The following PMPCB variants were observed in gnomAD, a reference collection of about 807,000 sequenced individuals.
PMPCB encodes peptidase, mitochondrial processing subunit beta, also known as mitochondrial-processing peptidase subunit beta.
In PMPCB, 46 loss-of-function variants were observed where a neutral mutation model predicts 61.5. The observed-to-expected ratio is 0.75, with a 90% CI of 0.59 to 0.96. The LOEUF (loss-of-function observed/expected upper bound fraction) is 0.96. Ranked by LOEUF, PMPCB falls within the 40% of genes least tolerant of loss-of-function variation. The probability of loss-of-function intolerance (pLI) is 0.00; values close to 1 mark genes in which losing one functional copy is unlikely to be tolerated. For synonymous variants in PMPCB, 191 were observed against 201.6 expected, an observed-to-expected ratio of 0.95 and a Z score of 0.44; for missense variants, 590 against 602.4, an observed-to-expected ratio of 0.98 and a Z score of 0.22.
chr7:103,300,281 A>G lies in PMPCB; in HGVS notation c.431A>G (p.Lys144Arg). ...AGAGAGCAGACTGTATACTATGCCA[A>G]AGCATTCTCTAAAGACTTGCCAAGA... ...TSREQTVYYA[K>R]AFSKDLPRAV... is the part of the protein sequence containing the mutation. The change falls in exon 4 of 13, where the codon AAA becomes AGA. Residue 144 changes from lysine to arginine, a missense_variant. Lys to Arg is a conservative substitution (Grantham distance 26). Transcript: ENST00000249269. 2 of 1,608,594 alleles carry G rather than the reference A, an allele frequency of 1.2e-6. No individual in the cohort carries two copies. The highest frequency in any genetic ancestry group is 1.7e-6 in the Non-Finnish European group (2 of 1,177,050).
At chr7:103,325,255 C>T (rs1201759716) in intron 12 of PMPCB, among the ~76,000 whole-genome samples, 1 of 152,102 alleles carries the variant, frequency 6.6e-6, no homozygotes, top group Non-Finnish European at 1.5e-5. Context: ...ACCAGTCTGG[C>T]CAATATGGTG....
chr7:103,308,120 G>C (rs1197492393), intron 7 of PMPCB, among the ~76,000 whole-genome samples: 1 of 152,192 alleles, frequency 6.6e-6, no homozygotes, highest in Non-Finnish European at 1.5e-5. Flanking sequence ...TGTTTTGGGA[G>C]GGGGTAGTAA....
At chr7:103,326,499 CA>C in intron 12 of PMPCB, 2 of 1,602,102 alleles carry the variant, frequency 1.2e-6, no homozygotes, top group Non-Finnish European at 1.7e-6. Context: ...CTACAATAAA[CA>C]AGCCAACAGG....
In PMPCB at chr7:103,312,822, C is replaced by T; in HGVS notation, c.*551C>T. ...GCTCATTTCTTCCTCATAATATTGA[C>T]CCCATAACTACTGGTTTTGAAATAA... On this transcript the variant is annotated 3_prime_UTR_variant, in exon 13 of 13. Coordinates refer to ENST00000249269, the MANE Select transcript of PMPCB (RefSeq NM_004279.3). 4 of 1,520,594 alleles carry T rather than the reference C, an allele frequency of 2.6e-6. No homozygotes were observed. 94.2% of individuals were successfully genotyped at this position (1,520,594 alleles called of 1,614,324 possible). A position where few individuals can be genotyped will look rare whatever the true frequency, so the allele number is the denominator to read the frequency against.
chr7:103,306,773 A>T (rs1817604416), intron 6 of PMPCB, among the ~76,000 whole-genome samples: 1 of 152,012 alleles, frequency 6.6e-6, no homozygotes, highest in African/African-American at 2.4e-5. Context: ...TATTTATTTT[A>T]GAGACAGAGT....
chr7:103,312,910 T>C lies in PMPCB; in HGVS notation c.*639T>C. ...GAGCTATATCACCCAAGCTACAATT[T>C]AAAATACAACAATCTATAAACGCTT... On this transcript the variant is annotated 3_prime_UTR_variant, in exon 13 of 13. Coordinates refer to ENST00000249269, the MANE Select transcript of PMPCB (RefSeq NM_004279.3). 6.3e-7 allele frequency: 1 copy of C among 1,587,544 alleles called. No individual in the cohort carries two copies. Among genetic ancestry groups the C allele is most frequent in the Non-Finnish European group, 8.5e-7 (1 of 1,171,520 alleles).
chr7:103,342,671 C>T, the PMPCB span, among the ~76,000 whole-genome samples: 5 of 144,686 alleles, frequency 3.5e-5, no homozygotes, highest in East Asian at 4.2e-4. Context: ...TGCAATGGCG[C>T]GATCTTGGCT....
chr7:103,336,154 C>A, the PMPCB span: 1 of 152,136 alleles, frequency 6.6e-6, no homozygotes, highest in East Asian at 1.9e-4. Flanking sequence ...GCAACAAGTA[C>A]GAAATTCTGT....
chr7:103,319,343 A>G (rs1818251843), downstream of PMPCB, among the ~76,000 whole-genome samples: 2 of 152,132 alleles, frequency 1.3e-5, no homozygotes, highest in African/African-American at 2.4e-5. Flanking sequence ...AGGCTGAGGC[A>G]GGAGAATCAC....
In PMPCB at chr7:103,299,459, A is replaced by G; in HGVS notation, c.257A>G (p.Asp86Gly). ...LSTCTVGLWIDAGSRYENEKN... is the reference protein window; with the variant it reads ...LSTCTVGLWIGAGSRYENEKN... ...TGCATTAAGGTTGGACTCTGGATTGATGCTGGAAGTAGATACGAAAATGAG... is the reference window on the plus strand; with the variant it reads ...TGCATTAAGGTTGGACTCTGGATTGGTGCTGGAAGTAGATACGAAAATGAG... Residue 86 changes from aspartate (D) to glycine (G), a missense_variant, in exon 3 of 13, where the codon GAT becomes GGT. Coordinates refer to ENST00000249269, the MANE Select transcript of PMPCB (RefSeq NM_004279.3). 6.2e-7 allele frequency: 1 copy of G among 1,607,694 alleles called. No individual in the cohort carries two copies. The highest frequency in any genetic ancestry group is 1.1e-5 in the South Asian group (1 of 90,766).
chr7:103,338,866 C>T, the PMPCB span, among the ~76,000 whole-genome samples: 6 of 151,778 alleles, frequency 4.0e-5, no homozygotes, highest in African/African-American at 7.3e-5. Flanking sequence ...GCCAAGACTG[C>T]GCCACTGCAC....
chr7:103,344,726 G>T, the PMPCB span: 3 of 1,234,948 alleles, frequency 2.4e-6, no homozygotes, highest in Non-Finnish European at 2.3e-6. Flanking sequence ...CTCGCGCCTT[G>T]GCTCTAAGAC....
chr7:103,304,153 A>C (rs1817519179), intron 5 of PMPCB, 113 bp downstream of exon 5: 1 of 854,498 alleles, frequency 1.2e-6, no homozygotes, highest in South Asian at 1.7e-5. Flanking sequence ...CTGGTAATCT[A>C]AGTGAAACTG....
chr7:103,320,416 C>T (rs1818321357), intron 12 of PMPCB, among the ~76,000 whole-genome samples: 1 of 151,970 alleles, frequency 6.6e-6, no homozygotes, highest in African/African-American at 2.4e-5. Context: ...TTCAGGTGTA[C>T]ATATTTCAGT....
intron 1 of PMPCB, 122 bp from the exon 2 acceptor site, chr7:103,298,446 A>T (rs902661223): frequency 4.1e-5 from 43 of 1,047,986 alleles, no homozygotes; most frequent in Non-Finnish European, 5.4e-5. Context: ...ACCAAAATTC[A>T]AGAAGAAAGA....
At chr7:103,299,027 A>C (rs1237852527) in intron 2 of PMPCB, among the ~76,000 whole-genome samples, 1 of 152,232 alleles carries the variant, frequency 6.6e-6, no homozygotes, top group Non-Finnish European at 1.5e-5. Flanking sequence ...TTATTTGATA[A>C]AAAGCAATTG....
At chr7:103,338,180 G>A in the PMPCB span, among the ~76,000 whole-genome samples, 3 of 151,858 alleles carry the variant, frequency 2.0e-5, no homozygotes, top group Non-Finnish European at 4.4e-5. Context: ...AGAAGTAGCA[G>A]GATTACTTGA....
downstream of PMPCB, among the ~76,000 whole-genome samples, chr7:103,317,627 C>T (rs1198687854): frequency 6.6e-6 from 1 of 152,138 alleles, no homozygotes. Context: ...TTCCCATCAT[C>T]ACATTCATAG....
At chr7:103,319,882 A>G in intron 12 of PMPCB, 3 of 1,596,748 alleles carry the variant, frequency 1.9e-6, no homozygotes, top group Non-Finnish European at 2.6e-6. Flanking sequence ...CTACACTCAA[A>G]AATACATCCA....
Sources: allele counts gnomAD v4.1 joint callset (sites outside exome capture counted in the v4.1 genomes callset), GRCh38; gene constraint gnomAD v4.1.1; transcripts MANE v1.5; gene names NCBI Gene and HGNC (gene_info 2026-07-23, HGNC 2026-07-21).